Variants in CTBP2 observed in about 807,000 individuals in gnomAD.
The protein encoded by CTBP2 is C-terminal binding protein 2, also known as C-terminal-binding protein 2.
CTBP2 carries 30 observed loss-of-function variants against 80.3 expected under a neutral mutation model. The observed-to-expected ratio is 0.37, with a 90% CI of 0.28 to 0.51. The LOEUF is 0.51. Ranked by LOEUF, CTBP2 falls within the 20% of genes least tolerant of loss-of-function variation. The pLI is 0.93. For synonymous variants in CTBP2, 594 were observed against 587.4 expected (o/e 1.01, Z -0.16); for missense variants, 1,212 against 1,375.3 (o/e 0.88, Z 1.88).
At chr10:125,024,850 T>C (rs1301185478) in intron 1 of CTBP2, among the ~76,000 whole-genome samples, 1 of 152,214 alleles carries the variant, frequency 6.6e-6, no homozygotes, top group African/African-American at 2.4e-5. Flanking sequence ...CAAATAATGA[T>C]GTGATCAGAC....
intron 2 of CTBP2, among the ~76,000 whole-genome samples, chr10:125,069,409 G>T (rs1463445280): frequency 6.6e-6 from 1 of 152,108 alleles, no homozygotes; most frequent in Non-Finnish European, 1.5e-5. Flanking sequence ...ACTGAGGTTG[G>T]GAGTTCAAGA....
Position 125,026,884 on chromosome 10 carries a change from C to T in CTBP2, c.876G>A (p.Glu292=). 1 of 1,613,976 alleles carries T rather than the reference C, an allele frequency of 6.2e-7. No homozygotes were observed. Among genetic ancestry groups the T allele is most frequent in the Non-Finnish European group, 8.5e-7 (1 of 1,180,022 alleles). The change falls in exon 1 of 9, where the codon GAG becomes GAA. Residue 292 remains glutamate, a synonymous_variant. Transcript: ENST00000309035. ...CCTCCGCCCGCAGAAAGGCCAGGAA[C>T]TCAGGGAGCACGGTCCTCTTGCCAC...
rs1342438802 is a variant in CTBP2, at chr10:125,026,947, C to T, written c.813G>A (p.Glu271=). Residue 271 remains glutamate (E), a synonymous_variant, in exon 1 of 9, where the codon GAG becomes GAA. Coordinates refer to ENST00000309035, the MANE Select transcript of CTBP2 (RefSeq NM_022802.3). ...AGGTGGACAGGTCAGCTTCGTAAGT[C>T]TCGTAAGCCATCTTGGATGGGATGC... The T allele has an allele frequency of 6.2e-7, 1 of 1,613,944 alleles. No individual in the cohort carries two copies. The highest frequency in any genetic ancestry group is 8.5e-7 in the Non-Finnish European group (1 of 1,180,030).
Position 125,085,849 on chromosome 10 carries a change from T to C in CTBP2, c.-102+25141A>G, listed in dbSNP as rs563111013. On this transcript the variant is annotated intron_variant, in intron 2 of 10. Coordinates refer to the CTBP2 transcript ENST00000337195. ...GGAGGATTCTCACTGGAAACTGAAA[T>C]GTGATCCTAGCCCAGTGTCTGGAAG... 3.9e-5 allele frequency among the ~76,000 whole-genome samples: 6 copies of C among 152,346 alleles called. No individual in the cohort carries two copies. The East Asian group carries it at 9.7e-4, about 25-fold the overall frequency.
intron 2 of CTBP2, among the ~76,000 whole-genome samples, chr10:125,087,883 C>T (rs1437522626): frequency 2.0e-5 from 3 of 152,230 alleles, no homozygotes; most frequent in African/African-American, 7.2e-5. Flanking sequence ...CAACCCAGTT[C>T]TGCCCTCTGG....
Position 125,027,169 on chromosome 10 carries a change from C to T in CTBP2, c.591G>A (p.Arg197=). Residue 197 remains arginine, a synonymous_variant, in exon 1 of 9, where the codon AGG becomes AGA. Coordinates refer to ENST00000309035, the MANE Select transcript of CTBP2 (RefSeq NM_022802.3). Reference sequence around the variant, plus strand: ...GGTAGGCAGGCACCTCCGCCCCATACCTGGTGTCGGGCTGCTCCCGTCCAT... The same window carrying T: ...GGTAGGCAGGCACCTCCGCCCCATATCTGGTGTCGGGCTGCTCCCGTCCAT... The T allele has an allele frequency of 1.2e-6, 2 of 1,605,450 alleles. No individual in the cohort carries two copies. The highest frequency in any genetic ancestry group is 1.7e-6 in the Non-Finnish European group (2 of 1,173,620).
intron 1 of CTBP2, among the ~76,000 whole-genome samples, chr10:125,139,318 G>A (rs916214667): frequency 4.8e-5 from 7 of 144,552 alleles, no homozygotes; most frequent in African/African-American, 1.6e-4. Flanking sequence ...CCAGTGAGCC[G>A]AGATTGCACC....
At chr10:125,104,898 C>G (rs950029092) in intron 2 of CTBP2, among the ~76,000 whole-genome samples, 1 of 152,234 alleles carries the variant, frequency 6.6e-6, no homozygotes, top group Admixed American at 6.5e-5. Context: ...GACAGCACGT[C>G]CTTCTTTCTC....
chr10:125,063,029 C>T (rs916843089), intron 2 of CTBP2, among the ~76,000 whole-genome samples: 4 of 152,176 alleles, frequency 2.6e-5, no homozygotes, highest in Non-Finnish European at 5.9e-5. Context: ...AGGAAGAGAG[C>T]TCAGCCAAAG....
chr10:125,124,231 G>A (rs1194457480), intron 1 of CTBP2, among the ~76,000 whole-genome samples: 1 of 152,170 alleles, frequency 6.6e-6, no homozygotes, highest in Admixed American at 6.5e-5. Flanking sequence ...CCAGCCTTTT[G>A]TATCACCCGA....
chr10:125,023,627 C>T (rs778883884), intron 1 of CTBP2, among the ~76,000 whole-genome samples: 10 of 152,138 alleles, frequency 6.6e-5, no homozygotes, highest in Non-Finnish European at 1.3e-4. Context: ...GCTGGTGGGC[C>T]GCACTGGGGT....
chr10:125,153,771 C>T (rs748125212), intron 1 of CTBP2, among the ~76,000 whole-genome samples: 10 of 152,260 alleles, frequency 6.6e-5, no homozygotes, highest in Admixed American at 5.2e-4. Flanking sequence ...TCTCCCTCCA[C>T]GGTCTAGGTC....
chr10:125,124,497 G>A (rs976493015), intron 1 of CTBP2, among the ~76,000 whole-genome samples: 2 of 152,074 alleles, frequency 1.3e-5, no homozygotes, highest in African/African-American at 4.8e-5. Context: ...GTGCCACTAG[G>A]TACACGTGTA....
chr10:125,010,948 A>T (rs1489555918), intron 1 of CTBP2, among the ~76,000 whole-genome samples: 1 of 152,206 alleles, frequency 6.6e-6, no homozygotes, highest in Admixed American at 6.5e-5. Context: ...CTCACACTAA[A>T]AACGCCAGGA....
Position 125,015,690 on chromosome 10 carries a change from C to T in CTBP2, c.1678+10392G>A, listed in dbSNP as rs187073155. Among the ~76,000 whole-genome samples the T allele has an allele frequency of 6.6e-5, 10 of 152,352 alleles. No individual in the cohort carries two copies. In the East Asian group the frequency reaches 1.7e-3, roughly 26 times the overall value. ...CCTCGCCCGCCCGCTGTGTGGATAC[C>T]GCTGGTGGAGGTGTTGGGTGAACAG... On this transcript the variant is annotated intron_variant, in intron 1 of 8. Coordinates refer to ENST00000309035, the MANE Select transcript of CTBP2 (RefSeq NM_022802.3).
At chr10:124,995,820 A>G (rs1264921860) in intron 4 of CTBP2, among the ~76,000 whole-genome samples, 1 of 152,198 alleles carries the variant, frequency 6.6e-6, no homozygotes, top group Non-Finnish European at 1.5e-5. Context: ...CGCACTGGCA[A>G]CATGAAACTG....
chr10:125,153,130 A>G (rs1284500542), intron 1 of CTBP2, among the ~76,000 whole-genome samples: 2 of 152,222 alleles, frequency 1.3e-5, no homozygotes, highest in African/African-American at 4.8e-5. Context: ...TTCCGAGCAG[A>G]GTAAGGCCAC....
chr10:125,073,774 T>A (rs891573324), intron 2 of CTBP2, among the ~76,000 whole-genome samples: 11 of 152,144 alleles, frequency 7.2e-5, no homozygotes, highest in Non-Finnish European at 2.9e-5. Flanking sequence ...ACTGGACACA[T>A]AAAATGGCCA....
chr10:125,060,257 G>GC (rs397716516), intron 2 of CTBP2, among the ~76,000 whole-genome samples: 21 of 184 alleles, frequency 0.11, no homozygotes, highest in Admixed American at 0.38. Context: ...GGAAAACAAA[G>GC]CTCTGGAGCT....
Sources: gnomAD v4.1 joint callset for allele counts (sites outside exome capture counted in the v4.1 genomes callset) on GRCh38, gnomAD v4.1.1 for gene constraint, MANE v1.5 for transcripts, NCBI Gene and HGNC (gene_info 2026-07-23, HGNC 2026-07-21) for gene names.